PDE3A: variants seen among roughly 807,000 people sequenced by gnomAD.
The protein encoded by PDE3A is phosphodiesterase 3A.
PDE3A carries 43 observed loss-of-function variants against 98.3 expected under a neutral mutation model. The observed-to-expected ratio is 0.44, with a 90% CI of 0.34 to 0.56. PDE3A has a LOEUF of 0.56. Ranked by LOEUF, PDE3A falls within the 20% of genes least tolerant of loss-of-function variation. The pLI, the probability that PDE3A is intolerant of heterozygous loss-of-function variation, is 0.01. For synonymous variants in PDE3A, 663 were observed against 567.9 expected (o/e 1.17, Z -2.38); for missense variants, 1,427 against 1,440.7 (o/e 0.99, Z 0.15).
chr12:20,602,676 C>A (rs930797812), intron 2 of PDE3A, among the ~76,000 whole-genome samples: 4 of 152,176 alleles, frequency 2.6e-5, no homozygotes, highest in Non-Finnish European at 5.9e-5. Flanking sequence ...TATAGGTTTT[C>A]CTCCTACTGT....
At chr12:20,543,322 A>G (rs1941969832) in intron 1 of PDE3A, among the ~76,000 whole-genome samples, 1 of 151,908 alleles carries the variant, frequency 6.6e-6, no homozygotes, top group Admixed American at 6.6e-5. Flanking sequence ...TTTCCAACTA[A>G]CAAATAATAA....
intron 2 of PDE3A, among the ~76,000 whole-genome samples, chr12:20,609,701 A>G (rs185956104): frequency 6.6e-6 from 1 of 152,122 alleles, no homozygotes; most frequent in African/African-American, 2.4e-5. Context: ...AACAACAGAA[A>G]CCTACACCAA....
intron 14 of PDE3A, among the ~76,000 whole-genome samples, chr12:20,652,139 G>A (rs1944933637): frequency 6.6e-6 from 1 of 152,088 alleles, no homozygotes; most frequent in African/African-American, 2.4e-5. Context: ...TGGTGTATAT[G>A]TGCCACATTT....
At chr12:20,527,866 C>T (rs772315721) in intron 1 of PDE3A, among the ~76,000 whole-genome samples, 10 of 149,526 alleles carry the variant, frequency 6.7e-5, no homozygotes, top group Admixed American at 1.3e-4. Flanking sequence ...TTATATGTTG[C>T]GGTGGCTAAA....
At chr12:20,536,718 ACTT>A (rs1242880268) in intron 1 of PDE3A, among the ~76,000 whole-genome samples, 2 of 152,110 alleles carry the variant, frequency 1.3e-5, no homozygotes, top group African/African-American at 4.8e-5. Context: ...TATCAGTACT[ACTT>A]CATTTCTTTT....
chr12:20,497,558 A>G (rs1248465091), intron 1 of PDE3A, among the ~76,000 whole-genome samples: 2 of 151,758 alleles, frequency 1.3e-5, no homozygotes. Flanking sequence ...ATGAGAAAAC[A>G]TAATAATTCT....
chr12:20,552,894 G>A lies in PDE3A; in HGVS notation c.961-3766G>A. On this transcript the variant is annotated intron_variant, in intron 1 of 15. Coordinates refer to ENST00000359062, the MANE Select transcript of PDE3A (RefSeq NM_000921.5). The surrounding 1 kb of genome is among the most constrained non-coding windows in gnomAD (Gnocchi z 5.1). ...GCCTGGACAGATCCTTTCGGGCACA[G>A]GTGTTCAGCTGCCCTGCCTGCCGCT... The A allele has an allele frequency of 6.2e-7, 1 of 1,611,102 alleles. No homozygotes were observed. The highest frequency in any genetic ancestry group is 8.5e-7 in the Non-Finnish European group (1 of 1,178,572).
chr12:20,648,613 A>G, intron 12 of PDE3A, 75 bp from the exon 13 acceptor site: 1 of 929,774 alleles, frequency 1.1e-6, no homozygotes, highest in Non-Finnish European at 1.8e-6. Context: ...GCAATTTCAA[A>G]AGCATTGCAT....
At position 20,680,576 on chromosome 12, in the gene PDE3A, C is replaced by T. The variant is rs181120197; in HGVS notation, c.*305C>T. Reference sequence around the variant, plus strand: ...TGTAAAACATATTCACACCCATGCACGCACACACATACACACTGAAGGCCA... The same window carrying T: ...TGTAAAACATATTCACACCCATGCATGCACACACATACACACTGAAGGCCA... On this transcript the variant is annotated 3_prime_UTR_variant, in exon 16 of 16. Transcript: ENST00000359062. The T allele has an allele frequency of 9.0e-5, 24 of 267,704 alleles. No homozygotes were observed. Among genetic ancestry groups the T allele is most frequent in the Middle Eastern group, 1.2e-3 (1 of 820 alleles). 16.6% of individuals were successfully genotyped at this position (267,704 alleles called of 1,614,324 possible). A position where few individuals can be genotyped will look rare whatever the true frequency, so the allele number is the denominator to read the frequency against.
intron 1 of PDE3A, among the ~76,000 whole-genome samples, chr12:20,452,796 A>T (rs916677205): frequency 6.6e-6 from 1 of 152,144 alleles, no homozygotes; most frequent in East Asian, 1.9e-4. Flanking sequence ...CAGCAAACAC[A>T]TGGAAGGGAA....
intron 1 of PDE3A, among the ~76,000 whole-genome samples, chr12:20,548,989 C>A (rs1942129599): frequency 6.6e-6 from 1 of 151,958 alleles, no homozygotes; most frequent in Non-Finnish European, 1.5e-5. Flanking sequence ...GTTGTAATCA[C>A]ACATCAAGAA....
chr12:20,450,599 T>C (rs1945046781), intron 1 of PDE3A, among the ~76,000 whole-genome samples: 2 of 152,220 alleles, frequency 1.3e-5, no homozygotes, highest in Admixed American at 1.3e-4. Flanking sequence ...AAATGGACAA[T>C]GCTCCTTTAC....
chr12:20,682,357 A>C lies in PDE3A; in HGVS notation c.*2086A>C, dbSNP rs370434139. 8.5e-5 allele frequency: 13 copies of C among 152,336 alleles called. No homozygotes were observed. The East Asian group carries it at 2.3e-3, about 27-fold the overall frequency. The allele number at this position is 152,336 out of a possible 1,614,324, so 9.4% of individuals were successfully genotyped here. On this transcript the variant is annotated 3_prime_UTR_variant, in exon 16 of 16. Coordinates refer to ENST00000359062, the MANE Select transcript of PDE3A (RefSeq NM_000921.5). The stretch of plus-strand genomic sequence containing the variant: ...TGACGTAGTAGAAAGGAATGTTTAC[A>C]TTAAAAATACTTTTGTTTCTCATAA...
intron 1 of PDE3A, among the ~76,000 whole-genome samples, chr12:20,404,963 T>C (rs1475718187): frequency 6.6e-6 from 1 of 151,622 alleles, no homozygotes; most frequent in Non-Finnish European, 1.5e-5. Flanking sequence ...GGACAGAGTT[T>C]TCTGCTACCT....
Position 20,621,376 on chromosome 12 carries a change from C to G in PDE3A, c.1505C>G (p.Ala502Gly). 6.2e-7 allele frequency: 1 copy of G among 1,611,452 alleles called. No individual in the cohort carries two copies. The highest frequency in any genetic ancestry group is 8.5e-7 in the Non-Finnish European group (1 of 1,177,764). Reference protein sequence around the residue: ...SFTSSYAISAANHVKAKKQSR... With the variant: ...SFTSSYAISAGNHVKAKKQSR... ...ACTTCATCCTATGCTATTTCTGCAG[C>G]TAACCATGTAAAGGCTAAAAAGCAA... is the stretch of plus-strand genomic sequence containing the variant. The change falls in exon 5 of 16, where the codon GCT (alanine) becomes GGT (glycine). Residue 502 changes from alanine to glycine, a missense_variant. This residue lies in a region of PDE3A where 1,012 missense variants were observed against 886.5 expected (regional missense o/e 1.14). Coordinates refer to ENST00000359062, the MANE Select transcript of PDE3A (RefSeq NM_000921.5).
intron 1 of PDE3A, among the ~76,000 whole-genome samples, chr12:20,505,718 T>C (rs1437675797): frequency 6.6e-6 from 1 of 152,144 alleles, no homozygotes; most frequent in African/African-American, 2.4e-5. Context: ...CATAGTTCTG[T>C]TACATAAATG....
At chr12:20,609,051 T>A (rs1943782159) in intron 2 of PDE3A, among the ~76,000 whole-genome samples, 1 of 152,034 alleles carries the variant, frequency 6.6e-6, no homozygotes, top group Admixed American at 6.6e-5. Flanking sequence ...AGATGCACTT[T>A]AAAATACTTA....
At chr12:20,673,293 G>T (rs1371494883) in intron 15 of PDE3A, among the ~76,000 whole-genome samples, 2 of 150,384 alleles carry the variant, frequency 1.3e-5, no homozygotes, top group Admixed American at 1.3e-4. Context: ...TCAGTGTGGC[G>T]ATTCCTCAGG....
intron 15 of PDE3A, among the ~76,000 whole-genome samples, chr12:20,656,058 T>C (rs900451949): frequency 6.6e-6 from 1 of 152,196 alleles, no homozygotes; most frequent in African/African-American, 2.4e-5. Flanking sequence ...TAGTGACTAA[T>C]AGCATAATTA....
Sources: gnomAD v4.1 joint callset for allele counts (sites outside exome capture counted in the v4.1 genomes callset) on GRCh38, gnomAD v4.1.1 for gene constraint, gnomAD v4.1.1 regional missense constraint, Gnocchi (gnomAD v3.1) non-coding constraint, MANE v1.5 for transcripts, NCBI Gene and HGNC (gene_info 2026-07-23, HGNC 2026-07-21) for gene names.